Variants in DMD observed in about 807,000 individuals in gnomAD.
DMD encodes dystrophin.
A neutral mutation model predicts 330.1 loss-of-function variants in DMD; 63 were observed. The observed-to-expected ratio is 0.19, with a 90% confidence interval of 0.16 to 0.24. The LOEUF is 0.24. Ranked by LOEUF, DMD falls within the 10% of genes least tolerant of loss-of-function variation. The probability of loss-of-function intolerance (pLI) is 1.00; values close to 1 mark genes in which losing one functional copy is unlikely to be tolerated. For missense variants in DMD, 3,344 were observed against 2,684.1 expected (o/e 1.25, Z -5.43); for synonymous variants, 1,223 against 959.8 (o/e 1.27, Z -5.07).
At chrX:32,546,622 G>C (rs766305333) in intron 16 of DMD, among the ~76,000 whole-genome samples, 2 of 111,592 alleles carry the variant, frequency 1.8e-5, no homozygotes, top group Non-Finnish European at 3.8e-5. Flanking sequence ...GCTACCTTTT[G>C]TTAAAGACAT....
chrX:31,761,121 G>A (rs2089550321), intron 51 of DMD, among the ~76,000 whole-genome samples: 2 of 109,610 alleles, frequency 1.8e-5, no homozygotes, highest in Non-Finnish European at 3.8e-5. Context: ...TTCTGACCTC[G>A]TGATCCGCCC....
intron 44 of DMD, among the ~76,000 whole-genome samples, chrX:32,123,135 T>C (rs2096644339): frequency 1.0e-5 from 1 of 96,305 alleles, no homozygotes; most frequent in African/African-American, 3.9e-5. Flanking sequence ...CTTGTATACA[T>C]ACATACCACA....
intron 59 of DMD, among the ~76,000 whole-genome samples, chrX:31,444,950 T>G (rs1397155642): frequency 4.5e-5 from 5 of 111,314 alleles, no homozygotes; most frequent in Non-Finnish European, 9.4e-5. Flanking sequence ...AGGTGCTTTG[T>G]ATGAGGAATG....
intron 1 of DMD, among the ~76,000 whole-genome samples, chrX:33,023,978 T>G (rs909417079): frequency 5.4e-5 from 6 of 111,613 alleles, no homozygotes; most frequent in Non-Finnish European, 7.5e-5. Flanking sequence ...ATGCTAAAAT[T>G]TTATACGTAT....
At chrX:33,088,090 T>C (rs751771663) in intron 1 of DMD, among the ~76,000 whole-genome samples, 1 of 111,393 alleles carries the variant, frequency 9.0e-6, no homozygotes, top group African/African-American at 3.3e-5. Flanking sequence ...GGAGTCTCTG[T>C]CACTCAGGCT....
At chrX:32,826,149 T>G (rs758491407) in intron 4 of DMD, among the ~76,000 whole-genome samples, 1 of 111,767 alleles carries the variant, frequency 8.9e-6, no homozygotes, top group East Asian at 2.8e-4. Context: ...AATGAAATAT[T>G]ACATCACACA....
Position 32,801,993 on chromosome X carries a change from C to T in DMD, c.649+7500G>A, listed in dbSNP as rs775370194. Among the ~76,000 whole-genome samples, 6 of 111,838 alleles carry T rather than the reference C, an allele frequency of 5.4e-5. No individual in the cohort carries two copies. The East Asian group carries it at 1.7e-3, about 31-fold the overall frequency. On this transcript the variant is annotated intron_variant, in intron 7 of 78. Coordinates refer to ENST00000357033, the MANE Select transcript of DMD (RefSeq NM_004006.3). The stretch of plus-strand genomic sequence containing the variant: ...CTTAGGATGGTTTTGGCAATGCAGG[C>T]TCTTTTTTAGTTCCACATGAAATTT...
At chrX:33,199,139 C>T (rs949605151) in intron 1 of DMD, among the ~76,000 whole-genome samples, 2 of 111,123 alleles carry the variant, frequency 1.8e-5, no homozygotes, top group African/African-American at 6.5e-5. Flanking sequence ...CATGATTTAA[C>T]AAGTGGTGGT....
chrX:31,396,861 A>C (rs1485585165), intron 60 of DMD, among the ~76,000 whole-genome samples: 1 of 111,891 alleles, frequency 8.9e-6, no homozygotes, highest in Admixed American at 9.5e-5. Flanking sequence ...GCAATCAATA[A>C]AATCAAGAAT....
At chrX:31,392,406 C>T (rs1048402109) in intron 60 of DMD, among the ~76,000 whole-genome samples, 2 of 112,471 alleles carry the variant, frequency 1.8e-5, no homozygotes. Context: ...CTTACATTTT[C>T]ATTATATATC....
intron 42 of DMD, among the ~76,000 whole-genome samples, chrX:32,301,637 A>G (rs935581221): frequency 9.0e-6 from 1 of 111,315 alleles, no homozygotes; most frequent in Non-Finnish European, 1.9e-5. Context: ...AATACAAACT[A>G]ACTTTTTTAA....
intron 54 of DMD, among the ~76,000 whole-genome samples, chrX:31,650,768 T>C (rs1474214311): frequency 8.9e-6 from 1 of 111,943 alleles, no homozygotes; most frequent in Admixed American, 9.5e-5. Flanking sequence ...AATTTGAGAA[T>C]GCTTTTGGAA....
intron 60 of DMD, 59 bp downstream of exon 60, chrX:31,444,422 A>C: frequency 8.5e-7 from 1 of 1,177,290 alleles, no homozygotes. Context: ...TTCTTTACAA[A>C]TTTTATCTGT....
chrX:32,328,468 C>T (rs1216244227), intron 41 of DMD, among the ~76,000 whole-genome samples: 1 of 111,258 alleles, frequency 9.0e-6, no homozygotes, highest in Non-Finnish European at 1.9e-5. Context: ...AAAATAAATT[C>T]AAGAATGTTA....
chrX:32,746,384 C>T (rs1032349473), intron 7 of DMD, among the ~76,000 whole-genome samples: 4 of 111,688 alleles, frequency 3.6e-5, no homozygotes, highest in Non-Finnish European at 7.5e-5. Flanking sequence ...TCACACAGAT[C>T]CTTAATTTTA....
At chrX:31,861,647 T>A (rs868396012) in intron 48 of DMD, among the ~76,000 whole-genome samples, 1,315 of 98,068 alleles carry the variant, frequency 0.013, 28 homozygotes, top group African/African-American at 0.043. Flanking sequence ...CCTGTGTGTG[T>A]GTGTGTGTGT....
At chrX:32,642,216 C>T (rs1490834020) in intron 11 of DMD, among the ~76,000 whole-genome samples, 1 of 111,795 alleles carries the variant, frequency 8.9e-6, no homozygotes, top group African/African-American at 3.2e-5. Flanking sequence ...ATTTGTGTTG[C>T]TCAAATAATG....
chrX:31,676,132 T>C (rs376743306), intron 53 of DMD, among the ~76,000 whole-genome samples: 11 of 112,402 alleles, frequency 9.8e-5, no homozygotes, highest in African/African-American at 3.2e-4. Flanking sequence ...GCTGTAGACA[T>C]AGCTTTGTGA....
intron 44 of DMD, among the ~76,000 whole-genome samples, chrX:31,989,259 C>A (rs767189144): frequency 3.6e-5 from 4 of 111,618 alleles, no homozygotes; most frequent in African/African-American, 1.3e-4. Flanking sequence ...CCAAATGTCT[C>A]GGTACCCTGC....
Sources: gnomAD v4.1 joint callset for allele counts (sites outside exome capture counted in the v4.1 genomes callset) on GRCh38, gnomAD v4.1.1 for gene constraint, MANE v1.5 for transcripts, NCBI Gene and HGNC (gene_info 2026-07-23, HGNC 2026-07-21) for gene names.